FAM184B: variants seen among roughly 807,000 people sequenced by gnomAD.
FAM184B encodes family with sequence similarity 184 member B, also known as protein FAM184B.
Under a neutral mutation model 135.9 loss-of-function variants are expected in FAM184B, and 111 were observed. That is an observed-to-expected ratio of 0.82 (90% CI 0.70 to 0.96). The LOEUF (loss-of-function observed/expected upper bound fraction) is 0.96. FAM184B is among the 40% of genes least tolerant of loss of function. The pLI is 0.00. For missense variants in FAM184B, 1,375 were observed against 1,323.9 expected (o/e 1.04, Z -0.60); for synonymous variants, 552 against 524.8 (o/e 1.05, Z -0.71).
Position 17,686,968 on chromosome 4 carries a change from A to G in FAM184B, c.1596+1456T>C, listed in dbSNP as rs376094741. Among the ~76,000 whole-genome samples the G allele has an allele frequency of 2.8e-4, 43 of 152,352 alleles. No homozygotes were observed. The East Asian group carries it at 3.3e-3, about 12-fold the overall frequency. On this transcript the variant is annotated intron_variant, in intron 7 of 17. Transcript: ENST00000265018. ...AAACAAAAAAACTCCAGTGAAGTCA[A>G]AGATGAGAACAGTGCTCTATGACTG...
chr4:17,655,189 TTC>T (rs1323799614), intron 10 of FAM184B, among the ~76,000 whole-genome samples: 1 of 152,198 alleles, frequency 6.6e-6, no homozygotes, highest in Non-Finnish European at 1.5e-5. Context: ...ACTTTTCAAA[TTC>T]TCTGATACCT....
chr4:17,634,713 G>A (rs551801736), intron 16 of FAM184B, among the ~76,000 whole-genome samples: 2 of 152,260 alleles, frequency 1.3e-5, no homozygotes, highest in African/African-American at 4.8e-5. Context: ...CCAAAAATAT[G>A]TACAGAAATA....
chr4:17,663,424 A>C (rs1227837162), intron 8 of FAM184B, among the ~76,000 whole-genome samples: 2 of 152,170 alleles, frequency 1.3e-5, no homozygotes, highest in Non-Finnish European at 1.5e-5. Context: ...AAGTCAAACT[A>C]TCCCTATTTG....
In FAM184B at chr4:17,693,864, C is replaced by A. The variant is rs146240144; in HGVS notation, c.1378-452G>T. Among the ~76,000 whole-genome samples the A allele has an allele frequency of 5.9e-3, 904 of 152,284 alleles. 8 individuals are homozygous for A. The highest frequency in any genetic ancestry group is 0.021 in the African/African-American group (873 of 41,536). Reference sequence around the variant, plus strand: ...TGGTGGCTCACGCCTGTAATCCCAGCACTTTAGGAGGCTGAGGCAAGTGGA... The same window carrying A: ...TGGTGGCTCACGCCTGTAATCCCAGAACTTTAGGAGGCTGAGGCAAGTGGA... On this transcript the variant is annotated intron_variant, in intron 5 of 17. Coordinates refer to ENST00000265018, the MANE Select transcript of FAM184B (RefSeq NM_015688.2).
intron 1 of FAM184B, among the ~76,000 whole-genome samples, chr4:17,759,477 A>T (rs985009685): frequency 6.6e-6 from 1 of 151,934 alleles, no homozygotes; most frequent in Admixed American, 6.6e-5. Flanking sequence ...TACATTACCC[A>T]GTTTCAGGTA....
rs1019253728 is a variant in FAM184B at position 17,632,163 on chromosome 4, C to G, written c.*369G>C. 2.1e-5 allele frequency: 3 copies of G among 146,226 alleles called. No individual in the cohort carries two copies. Among genetic ancestry groups the G allele is most frequent in the African/African-American group, 7.7e-5 (3 of 39,042 alleles). The allele number at this position is 146,226 out of a possible 1,614,324, so 9.1% of individuals were successfully genotyped here. On this transcript the variant is annotated 3_prime_UTR_variant, in exon 18 of 18. Coordinates refer to ENST00000265018, the MANE Select transcript of FAM184B (RefSeq NM_015688.2). Reference sequence around the variant, plus strand: ...GAACTTGGCTCACTGCAACCTCTGCCTCCTAGGTTCAAGTGATCCTCCCGC... The same window carrying G: ...GAACTTGGCTCACTGCAACCTCTGCGTCCTAGGTTCAAGTGATCCTCCCGC...
At chr4:17,656,871 T>C (rs925508035) in intron 10 of FAM184B, among the ~76,000 whole-genome samples, 1 of 152,172 alleles carries the variant, frequency 6.6e-6, no homozygotes, top group Non-Finnish European at 1.5e-5. Context: ...TTGTTTCTTG[T>C]TGTATTTACC....
At chr4:17,772,300 T>TA (rs1296542614) in intron 1 of FAM184B, among the ~76,000 whole-genome samples, 2 of 152,110 alleles carry the variant, frequency 1.3e-5, no homozygotes, top group South Asian at 2.1e-4. Context: ...CCCAATCCTA[T>TA]ACCCATCACC....
intron 1 of FAM184B, among the ~76,000 whole-genome samples, chr4:17,712,941 CAT>C (rs1717318462): frequency 1.3e-5 from 2 of 152,186 alleles, no homozygotes; most frequent in African/African-American, 4.8e-5. Flanking sequence ...CTAGAGGTGA[CAT>C]GTGTAATAGA....
chr4:17,640,331 A>C (rs1421159205), intron 13 of FAM184B, among the ~76,000 whole-genome samples: 5 of 106,832 alleles, frequency 4.7e-5, no homozygotes, highest in Non-Finnish European at 4.2e-5. Flanking sequence ...AAAAAAAAAA[A>C]AAATTAGCTG....
At chr4:17,761,684 C>G (rs1718549157) in intron 1 of FAM184B, among the ~76,000 whole-genome samples, 1 of 152,158 alleles carries the variant, frequency 6.6e-6, no homozygotes, top group Admixed American at 6.5e-5. Flanking sequence ...CCATGCCCAG[C>G]TAATTTTTGT....
chr4:17,732,735 A>G (rs933868254), intron 1 of FAM184B, among the ~76,000 whole-genome samples: 4 of 152,250 alleles, frequency 2.6e-5, no homozygotes, highest in African/African-American at 9.6e-5. Flanking sequence ...AGATGGATTC[A>G]CAGCCAAATT....
intron 1 of FAM184B, among the ~76,000 whole-genome samples, chr4:17,726,602 C>T (rs953847744): frequency 1.3e-5 from 2 of 152,152 alleles, no homozygotes; most frequent in Admixed American, 6.5e-5. Context: ...AAACTCCTGA[C>T]CTCAGGTGAG....
At chr4:17,712,257 G>A (rs1367027873) in intron 1 of FAM184B, among the ~76,000 whole-genome samples, 2 of 152,170 alleles carry the variant, frequency 1.3e-5, no homozygotes, top group Non-Finnish European at 2.9e-5. Context: ...GGCAAAGGGA[G>A]CATGTGACTG....
chr4:17,711,307 C>A (rs1717264482), intron 1 of FAM184B, among the ~76,000 whole-genome samples: 1 of 151,684 alleles, frequency 6.6e-6, no homozygotes, highest in Admixed American at 6.6e-5. Context: ...GGTGAAACCC[C>A]GCCTCTACTA....
intron 1 of FAM184B, among the ~76,000 whole-genome samples, chr4:17,749,312 T>C (rs1031198182): frequency 1.3e-5 from 2 of 151,966 alleles, no homozygotes; most frequent in Non-Finnish European, 2.9e-5. Context: ...ACGGGCACAG[T>C]GGCTCACACC....
intron 1 of FAM184B, among the ~76,000 whole-genome samples, chr4:17,759,563 C>T (rs1718496563): frequency 6.6e-6 from 1 of 152,028 alleles, no homozygotes; most frequent in Non-Finnish European, 1.5e-5. Context: ...AGTGCAGTGG[C>T]TCACTGCAAC....
chr4:17,705,221 A>G lies in FAM184B; in HGVS notation c.1171-15T>C. ...TCTTTCTTGGTCTATAAAAAGAAAA[A>G]GGACCTTGTAAAACCACTGGGGAGG... On this transcript the variant is annotated splice_polypyrimidine_tract_variant and intron_variant, in intron 4 of 17. Transcript: ENST00000265018. The G allele has an allele frequency of 6.5e-7, 1 of 1,546,938 alleles. No individual in the cohort carries two copies.
rs925867948 is a variant in FAM184B at position 17,735,498 on chromosome 4, T to C, written c.142-25854A>G. 4.6e-5 allele frequency among the ~76,000 whole-genome samples: 7 copies of C among 152,298 alleles called. No homozygotes were observed. In the East Asian group the frequency reaches 9.6e-4, roughly 21 times the overall value. On this transcript the variant is annotated intron_variant, in intron 1 of 17. Transcript: ENST00000265018. ...AACCCTGACATGATATGAACCTACA[T>C]GTAGCTTTTTCTATGTCCAATATTG...
Sources: allele counts gnomAD v4.1 joint callset (sites outside exome capture counted in the v4.1 genomes callset), GRCh38; gene constraint gnomAD v4.1.1; transcripts MANE v1.5; gene names NCBI Gene and HGNC (gene_info 2026-07-23, HGNC 2026-07-21).